Variants in ADGRL3 observed in about 807,000 individuals in gnomAD.
The protein encoded by ADGRL3 is adhesion G protein-coupled receptor L3.
In ADGRL3, 62 loss-of-function variants were observed where a neutral mutation model predicts 153.5. That is an observed-to-expected ratio of 0.40 (90% CI 0.33 to 0.50). The LOEUF (loss-of-function observed/expected upper bound fraction) is 0.50. Ranked by LOEUF, ADGRL3 falls within the 20% of genes least tolerant of loss-of-function variation. The probability of loss-of-function intolerance (pLI) is 0.47; values close to 1 mark genes in which losing one functional copy is unlikely to be tolerated. For missense variants in ADGRL3, 1,641 were observed against 1,859.4 expected (o/e 0.88, Z 2.16); for synonymous variants, 710 against 672.5 (o/e 1.06, Z -0.86).
At chr4:61,311,750 A>T (rs1055402512) in intron 1 of ADGRL3, among the ~76,000 whole-genome samples, 6 of 152,312 alleles carry the variant, frequency 3.9e-5, no homozygotes, top group Non-Finnish European at 7.3e-5. Flanking sequence ...TCAGATTCTT[A>T]TTGTCAAAAA....
chr4:61,963,890 G>A (rs974664802), intron 17 of ADGRL3, among the ~76,000 whole-genome samples: 6 of 152,110 alleles, frequency 3.9e-5, no homozygotes, highest in Non-Finnish European at 2.9e-5. Flanking sequence ...AAGTAATCAA[G>A]TACATAAGGG....
In ADGRL3 at chr4:61,280,112, T is replaced by C. The variant is rs1206004202; in HGVS notation, c.-240+78347T>C. On this transcript the variant is annotated intron_variant, in intron 1 of 26. Transcript: ENST00000683033. The stretch of plus-strand genomic sequence containing the variant: ...ATTTTCTTTTCTTTTCTTTTCTTTT[T>C]CTTTTTTTTTTTTTTGAGACCGAGT... Among the ~76,000 whole-genome samples, 54 of 20,310 alleles carry C rather than the reference T, an allele frequency of 2.7e-3. 2 individuals carry two copies. Among genetic ancestry groups the C allele is most frequent in the South Asian group, 0.014 (8 of 552 alleles). 13.3% of individuals were successfully genotyped at this position (20,310 alleles called of 152,430 possible).
At chr4:61,315,927 T>C (rs1295052742) in intron 1 of ADGRL3, among the ~76,000 whole-genome samples, 2 of 152,182 alleles carry the variant, frequency 1.3e-5, no homozygotes, top group Non-Finnish European at 2.9e-5. Flanking sequence ...TACGTTCTCT[T>C]TCATACATTG....
intron 6 of ADGRL3, among the ~76,000 whole-genome samples, chr4:61,693,024 C>G (rs1016577144): frequency 2.6e-5 from 4 of 151,960 alleles, no homozygotes; most frequent in Non-Finnish European, 5.9e-5. Flanking sequence ...ATAATGCTTT[C>G]CTGTGTGAAA....
intron 21 of ADGRL3, among the ~76,000 whole-genome samples, chr4:62,005,032 A>G (rs74590576): frequency 0.011 from 1,713 of 152,240 alleles, 35 homozygotes; most frequent in African/African-American, 0.039. Flanking sequence ...ATTTTTAATG[A>G]CACTACTAGA....
chr4:62,047,463 A>G (rs1443696071), intron 25 of ADGRL3, among the ~76,000 whole-genome samples: 1 of 151,832 alleles, frequency 6.6e-6, no homozygotes, highest in East Asian at 1.9e-4. Flanking sequence ...AATGGTATTT[A>G]TTTTTTTAAA....
chr4:61,286,764 C>T (rs2093956824), intron 1 of ADGRL3, among the ~76,000 whole-genome samples: 1 of 150,320 alleles, frequency 6.7e-6, no homozygotes, highest in African/African-American at 2.4e-5. Flanking sequence ...TTTTAGAGGC[C>T]CTAACGTGAA....
intron 9 of ADGRL3, among the ~76,000 whole-genome samples, chr4:61,840,749 A>G (rs1192206200): frequency 2.6e-5 from 4 of 152,238 alleles, no homozygotes; most frequent in African/African-American, 9.6e-5. Flanking sequence ...GCCTATGTTC[A>G]TGAGTTTGCA....
intron 21 of ADGRL3, among the ~76,000 whole-genome samples, chr4:62,003,574 T>C (rs1419530891): frequency 6.6e-6 from 1 of 152,102 alleles, no homozygotes; most frequent in Non-Finnish European, 1.5e-5. Context: ...TGAAATCACA[T>C]ATGTAAAGAA....
intron 1 of ADGRL3, among the ~76,000 whole-genome samples, chr4:61,305,323 A>T (rs1421025597): frequency 6.6e-6 from 1 of 152,178 alleles, no homozygotes; most frequent in Admixed American, 6.5e-5. Context: ...GAGTTTCTAC[A>T]TTATTATATC....
At chr4:61,763,139 A>T (rs2096932788) in intron 8 of ADGRL3, among the ~76,000 whole-genome samples, 1 of 149,874 alleles carries the variant, frequency 6.7e-6, no homozygotes, top group Admixed American at 6.6e-5. Context: ...TTTTTTCTTT[A>T]CTCTTTTTAT....
chr4:61,261,189 CTTTTTTTTTTTT>C (rs56862136), intron 1 of ADGRL3, among the ~76,000 whole-genome samples: 2 of 118,258 alleles, frequency 1.7e-5, no homozygotes, highest in African/African-American at 3.5e-5. Flanking sequence ...TCATCTTCTT[CTTTTTTTTTTTT>C]TTTTTTTTTT....
At chr4:61,475,379 T>C (rs1254122554) in intron 2 of ADGRL3, among the ~76,000 whole-genome samples, 1 of 152,194 alleles carries the variant, frequency 6.6e-6, no homozygotes, top group African/African-American at 2.4e-5. Flanking sequence ...CAGAGCTCAT[T>C]TCTGAAAGTC....
At chr4:62,016,782 C>G (rs2099214115) in intron 21 of ADGRL3, among the ~76,000 whole-genome samples, 1 of 151,998 alleles carries the variant, frequency 6.6e-6, no homozygotes, top group Admixed American at 6.6e-5. Context: ...GTTGTAATAA[C>G]TGGTATCTTT....
chr4:61,747,476 A>T (rs62306767), intron 8 of ADGRL3, among the ~76,000 whole-genome samples: 2 of 147,018 alleles, frequency 1.4e-5, no homozygotes. Context: ...CTGGCAAACC[A>T]AATCCAGCGG....
At chr4:61,755,236 C>G (rs2152100535) in intron 8 of ADGRL3, among the ~76,000 whole-genome samples, 1 of 152,162 alleles carries the variant, frequency 6.6e-6, no homozygotes, top group African/African-American at 2.4e-5. Flanking sequence ...GTCCCACCAA[C>G]AGTGTAAAAG....
At chr4:61,234,086 A>G (rs1751853777) in intron 1 of ADGRL3, among the ~76,000 whole-genome samples, 1 of 152,080 alleles carries the variant, frequency 6.6e-6, no homozygotes, top group Non-Finnish European at 1.5e-5. Flanking sequence ...CAGAGCTTAG[A>G]GGTAGAATTG....
chr4:62,067,427 A>G (rs1743555993), intron 25 of ADGRL3, among the ~76,000 whole-genome samples: 1 of 152,100 alleles, frequency 6.6e-6, no homozygotes, highest in Non-Finnish European at 1.5e-5. Flanking sequence ...TTGTGCAACA[A>G]TCCAGAAGAA....
At position 61,948,086 on chromosome 4, in the gene ADGRL3, T is replaced by G; in HGVS notation, c.2629-14T>G. 3.1e-6 allele frequency: 5 copies of G among 1,594,120 alleles called. No individual in the cohort carries two copies. The highest frequency in any genetic ancestry group is 4.3e-6 in the Non-Finnish European group (5 of 1,168,844). On this transcript the variant is annotated splice_polypyrimidine_tract_variant and intron_variant, in intron 16 of 26. Transcript: ENST00000683033. ...AAGTAGTTGTTGATTTTATGGATTTTTTTTCCCCTGTAGCAGTCAGAGGAA... is the reference window on the plus strand; with the variant it reads ...AAGTAGTTGTTGATTTTATGGATTTGTTTTCCCCTGTAGCAGTCAGAGGAA...
Sources: allele counts gnomAD v4.1 joint callset (sites outside exome capture counted in the v4.1 genomes callset), GRCh38; gene constraint gnomAD v4.1.1; transcripts MANE v1.5; gene names NCBI Gene and HGNC (gene_info 2026-07-23, HGNC 2026-07-21).